Variants in GAPVD1 observed in about 807,000 individuals in gnomAD.
The protein encoded by GAPVD1 is GTPase-activating protein and VPS9 domain-containing protein 1.
In GAPVD1, 35 loss-of-function variants were observed where a neutral mutation model predicts 155.5. The ratio of observed to expected loss-of-function variants is 0.23; its 90% CI spans 0.17 to 0.30. The LOEUF (loss-of-function observed/expected upper bound fraction) is 0.30, where lower values mean the gene tolerates loss of function less well. Among genes scored for constraint, GAPVD1 ranks in the 10% least tolerant of loss-of-function variants. The pLI is 1.00. For synonymous variants in GAPVD1, 636 were observed against 619.7 expected (o/e 1.03, Z -0.39); for missense variants, 1,429 against 1,775.7 (o/e 0.80, Z 3.51).
intron 2 of GAPVD1, among the ~76,000 whole-genome samples, chr9:125,270,501 C>T (rs1178027837): frequency 6.6e-6 from 1 of 152,062 alleles, no homozygotes; most frequent in African/African-American, 2.4e-5. Flanking sequence ...GGATATGTTT[C>T]AATATGTATT....
chr9:125,312,940 C>T (rs887609860), intron 9 of GAPVD1, among the ~76,000 whole-genome samples: 1 of 152,104 alleles, frequency 6.6e-6, no homozygotes, highest in African/African-American at 2.4e-5. Flanking sequence ...CCTGCCTCAG[C>T]CTCCTGAGTA....
chr9:125,268,171 AAAC>A (rs773370867), intron 1 of GAPVD1, among the ~76,000 whole-genome samples: 11 of 149,560 alleles, frequency 7.4e-5, no homozygotes, highest in East Asian at 5.9e-4. Flanking sequence ...TCTCAAAAAA[AAAC>A]AACAACAAAC....
At chr9:125,352,778 A>G (rs1354750644) in intron 23 of GAPVD1, among the ~76,000 whole-genome samples, 1 of 152,208 alleles carries the variant, frequency 6.6e-6, no homozygotes, top group Non-Finnish European at 1.5e-5. Flanking sequence ...GTCAGGCTGC[A>G]AAGTTTCTGA....
intron 1 of GAPVD1, among the ~76,000 whole-genome samples, chr9:125,268,104 T>C (rs1834272984): frequency 6.6e-6 from 1 of 151,186 alleles, no homozygotes; most frequent in African/African-American, 2.4e-5. Flanking sequence ...GCTGGGGTTG[T>C]AGTGAGCCGA....
At chr9:125,293,840 TAAA>T (rs1400741666) in intron 2 of GAPVD1, among the ~76,000 whole-genome samples, 1 of 87,188 alleles carries the variant, frequency 1.1e-5, no homozygotes, top group African/African-American at 5.1e-5. Flanking sequence ...AATATATATA[TAAA>T]AATATATTTT....
chr9:125,352,202 C>G (rs1325597869), intron 23 of GAPVD1, among the ~76,000 whole-genome samples: 1 of 152,292 alleles, frequency 6.6e-6, no homozygotes, highest in Non-Finnish European at 1.5e-5. Context: ...GACAGTGGCT[C>G]TCTTCTCACA....
rs756577117 is a variant in GAPVD1 at position 125,330,095 on chromosome 9, A to G, written c.2050A>G (p.Met684Val). The G allele has an allele frequency of 1.2e-6, 2 of 1,611,706 alleles. No homozygotes were observed. Among genetic ancestry groups the G allele is most frequent in the South Asian group, 1.1e-5 (1 of 90,732 alleles). Residue 684 changes from methionine to valine, a missense_variant, in exon 13 of 28, where the codon ATG becomes GTG. This residue lies in a region of GAPVD1 where 699 missense variants were observed against 826.0 expected (regional missense o/e 0.85). Coordinates refer to ENST00000297933, the MANE Select transcript of GAPVD1 (RefSeq NM_001282680.3). ...TTATACAGGTGCTGCAGCAGAGAAC[A>G]TGTTAGGCAGTTTGCTGTGCCTCCC... ...QEIAGAAAEN[M>V]LGSLLCLPGS... is the part of the protein sequence containing the mutation.
intron 1 of GAPVD1, among the ~76,000 whole-genome samples, chr9:125,266,141 T>G (rs1353849065): frequency 1.3e-5 from 2 of 150,276 alleles, no homozygotes; most frequent in Non-Finnish European, 3.0e-5. Flanking sequence ...TTTTTTTTTT[T>G]TTGAGGTGGA....
At chr9:125,357,020 T>C (rs990310594) in intron 25 of GAPVD1, among the ~76,000 whole-genome samples, 1 of 152,132 alleles carries the variant, frequency 6.6e-6, no homozygotes, top group African/African-American at 2.4e-5. Flanking sequence ...TTTCCGAGGT[T>C]GGTCTCAAAC....
chr9:125,330,080 G>A lies in GAPVD1; in HGVS notation c.2035G>A (p.Ala679Thr). 1.2e-6 allele frequency: 2 copies of A among 1,606,286 alleles called. No individual in the cohort carries two copies. The highest frequency in any genetic ancestry group is 1.7e-6 in the Non-Finnish European group (2 of 1,176,660). The change falls in exon 13 of 28, where the codon GCT becomes ACT. Residue 679 changes from alanine (A) to threonine (T), a missense_variant and splice_region_variant. Physicochemically the swap from Ala to Thr is moderately conservative, Grantham distance 58 (BLOSUM62 0). Around this residue, in one of 4 missense-constraint regions of GAPVD1, gnomAD observed 699 missense variants for 826.0 expected, o/e 0.85. Transcript: ENST00000297933. The part of the protein sequence containing the change: ...DEDRLQEIAG[A>T]AAENMLGSLL... The stretch of plus-strand genomic sequence containing the variant: ...TTTGCTTCCCACTGGTTATACAGGT[G>A]CTGCAGCAGAGAACATGTTAGGCAG...
Position 125,331,971 on chromosome 9 carries a change from GCTGTT to G in GAPVD1, c.2223_2227del (p.Cys741TrpfsTer4). On this transcript the variant is annotated frameshift_variant, in exon 14 of 28. Coordinates refer to ENST00000297933, the MANE Select transcript of GAPVD1 (RefSeq NM_001282680.3). LOFTEE classifies it high-confidence loss of function. Reference sequence around the variant, plus strand: ...GAGGAGCGTCTGCAAGAACTGGAGAGCTGTTCTGGACTGGGTAGCACATCTGATGA... The same window carrying G: ...GAGGAGCGTCTGCAAGAACTGGAGAGCTGGACTGGGTAGCACATCTGATGA... 1.2e-6 allele frequency: 2 copies of G among 1,613,654 alleles called. No homozygotes were observed. Among genetic ancestry groups the G allele is most frequent in the Non-Finnish European group, 1.7e-6 (2 of 1,179,534 alleles).
intron 2 of GAPVD1, among the ~76,000 whole-genome samples, chr9:125,271,450 A>G (rs1207138186): frequency 1.3e-5 from 2 of 152,192 alleles, no homozygotes; most frequent in African/African-American, 2.4e-5. Context: ...GTCAAGGCAT[A>G]TTAGTCTTTT....
At chr9:125,318,497 TC>T (rs1209669887) in intron 9 of GAPVD1, among the ~76,000 whole-genome samples, 1 of 152,234 alleles carries the variant, frequency 6.6e-6, no homozygotes, top group African/African-American at 2.4e-5. Context: ...AAAAATATCT[TC>T]ATTGTGTTAT....
At chr9:125,275,679 C>T (rs1049357408) in intron 2 of GAPVD1, among the ~76,000 whole-genome samples, 18 of 152,124 alleles carry the variant, frequency 1.2e-4, no homozygotes, top group Admixed American at 2.6e-4. Flanking sequence ...CACCTGAACC[C>T]GAGGAGGTTG....
intron 1 of GAPVD1, among the ~76,000 whole-genome samples, chr9:125,262,899 C>T (rs1157931440): frequency 2.0e-5 from 3 of 152,044 alleles, no homozygotes; most frequent in East Asian, 1.9e-4. Context: ...ATAAAAATTA[C>T]GGATATTTTT....
chr9:125,271,104 T>TG (rs1564251620), intron 2 of GAPVD1, among the ~76,000 whole-genome samples: 87 of 151,932 alleles, frequency 5.7e-4, no homozygotes, highest in African/African-American at 2.1e-3. Context: ...CTAATACTCT[T>TG]TGTGTGTGTG....
chr9:125,280,537 GA>G (rs1397887006), intron 2 of GAPVD1, among the ~76,000 whole-genome samples: 2 of 150,790 alleles, frequency 1.3e-5, no homozygotes, highest in Non-Finnish European at 2.9e-5. Context: ...CTTTACTGCT[GA>G]TCAGTTAAAA....
chr9:125,263,980 G>A (rs1833410788), intron 1 of GAPVD1: 6 of 1,381,132 alleles, frequency 4.3e-6, no homozygotes, highest in Non-Finnish European at 6.2e-6. Flanking sequence ...TGACATGAAG[G>A]TTGGGCACGT....
chr9:125,325,519 C>CAAAAAAA, intron 11 of GAPVD1, among the ~76,000 whole-genome samples: 1 of 93,242 alleles, frequency 1.1e-5, no homozygotes, highest in South Asian at 4.1e-4. Flanking sequence ...GACTCCATCT[C>CAAAAAAA]AAAAAAAAAA....
Sources: allele counts gnomAD v4.1 joint callset (sites outside exome capture counted in the v4.1 genomes callset), GRCh38; gene constraint gnomAD v4.1.1; regional missense constraint gnomAD v4.1.1; transcripts MANE v1.5; gene names NCBI Gene and HGNC (gene_info 2026-07-23, HGNC 2026-07-21).